Variants in PTCHD4 observed in about 807,000 individuals in gnomAD.
PTCHD4 encodes the protein patched domain containing 4.
Under a neutral mutation model 58.1 loss-of-function variants are expected in PTCHD4, and 33 were observed. That is an observed-to-expected ratio of 0.57 (90% confidence interval 0.43 to 0.76). The LOEUF is 0.76. Among genes scored for constraint, PTCHD4 ranks in the 30% least tolerant of loss-of-function variants. The pLI is 0.00. For missense variants in PTCHD4, 1,058 were observed against 1,027.1 expected, an observed-to-expected ratio of 1.03 and a Z score of -0.41; for synonymous variants, 478 against 409.6, an observed-to-expected ratio of 1.17 and a Z score of -2.02.
intron 4 of PTCHD4, among the ~76,000 whole-genome samples, chr6:47,909,552 G>A (rs996847020): frequency 6.6e-6 from 1 of 152,018 alleles, no homozygotes; most frequent in Admixed American, 6.6e-5. Flanking sequence ...GGCTCAAGCG[G>A]TCCTTCTATC....
At chr6:48,108,212 C>T (rs1208405482) in intron 1 of PTCHD4, among the ~76,000 whole-genome samples, 2 of 152,112 alleles carry the variant, frequency 1.3e-5, no homozygotes, top group Non-Finnish European at 2.9e-5. Context: ...AAATGTCCAA[C>T]AATGATGGAC....
chr6:47,954,218 G>A (rs1365517794), intron 4 of PTCHD4, among the ~76,000 whole-genome samples: 5 of 152,076 alleles, frequency 3.3e-5, no homozygotes, highest in African/African-American at 7.2e-5. Context: ...TCAGCTGGGC[G>A]TGGTAGCACA....
intron 4 of PTCHD4, among the ~76,000 whole-genome samples, chr6:47,917,022 A>G (rs1003538087): frequency 6.6e-6 from 1 of 152,146 alleles, no homozygotes; most frequent in African/African-American, 2.4e-5. Context: ...AACTACAATT[A>G]TAATATAAAG....
chr6:47,950,706 G>C (rs565248818), intron 4 of PTCHD4, among the ~76,000 whole-genome samples: 12 of 152,280 alleles, frequency 7.9e-5, no homozygotes, highest in Non-Finnish European at 1.0e-4. Context: ...GTAGGTTACA[G>C]AGCTGTAAAT....
At position 47,871,239 on chromosome 6, in the gene PTCHD4, G is replaced by A. The variant is rs1315277973; in HGVS notation, c.*7064C>T. Among the ~76,000 whole-genome samples the A allele has an allele frequency of 1.3e-5, 2 of 151,554 alleles. No individual in the cohort carries two copies. The highest frequency in any genetic ancestry group is 4.8e-5 in the African/African-American group (2 of 41,340). On this transcript the variant is annotated 3_prime_UTR_variant, in exon 5 of 5. Transcript: ENST00000339488. ...CTTGTGTTTTAAAAACCCCGATTTA[G>A]CAGAAAATAATAGCAATGCCTTCCA...
intron 3 of PTCHD4, among the ~76,000 whole-genome samples, chr6:48,062,974 C>T (rs1764681941): frequency 6.6e-6 from 1 of 152,112 alleles, no homozygotes; most frequent in South Asian, 2.1e-4. Context: ...ACAATTGATC[C>T]TTAAAGAACT....
At chr6:48,108,253 A>G (rs1360309025) in intron 1 of PTCHD4, among the ~76,000 whole-genome samples, 1 of 152,202 alleles carries the variant, frequency 6.6e-6, no homozygotes, top group Non-Finnish European at 1.5e-5. Context: ...CATATACACC[A>G]TGGAATACTA....
chr6:48,037,582 T>G (rs1457105957), intron 3 of PTCHD4, among the ~76,000 whole-genome samples: 2 of 152,144 alleles, frequency 1.3e-5, no homozygotes, highest in African/African-American at 2.4e-5. Flanking sequence ...ACTGTGAACT[T>G]CAGAAAGGAA....
chr6:47,909,260 C>A (rs962806920), intron 4 of PTCHD4, among the ~76,000 whole-genome samples: 4 of 152,064 alleles, frequency 2.6e-5, no homozygotes, highest in African/African-American at 9.7e-5. Flanking sequence ...CAAAGTCATG[C>A]CAGTTCTCCA....
At position 47,878,606 on chromosome 6, in the gene PTCHD4, T is replaced by C; in HGVS notation, c.2229A>G (p.Gln743=). The change falls in exon 5 of 5, where the codon CAA becomes CAG. Residue 743 remains glutamine (Q), a synonymous_variant. Transcript: ENST00000339488. ...FVLATEHTRT[Q]CIKSSLQDHG... is the part of the protein sequence containing the mutation. The stretch of plus-strand genomic sequence containing the variant: ...GGTCTTGCAAGGAGCTTTTTATACA[T>C]TGTGTTCGGGTGTGCTCAGTTGCTA... The C allele has an allele frequency of 1.2e-6, 2 of 1,613,598 alleles. No individual in the cohort carries two copies. Among genetic ancestry groups the C allele is most frequent in the Non-Finnish European group, 1.7e-6 (2 of 1,179,744 alleles).
Position 47,939,324 on chromosome 6 carries a change from G to A in PTCHD4, c.899-59388C>T, listed in dbSNP as rs552416780. Among the ~76,000 whole-genome samples the A allele has an allele frequency of 1.3e-4, 19 of 151,390 alleles. No individual in the cohort carries two copies. In the South Asian group the frequency reaches 3.5e-3, roughly 28 times the overall value. On this transcript the variant is annotated intron_variant, in intron 4 of 4. Transcript: ENST00000339488. ...TGGAGAGGGGCCTGAGGATTACGTGGTATTGATGTCTCTGGTTGGAGACTA... is the reference window on the plus strand; with the variant it reads ...TGGAGAGGGGCCTGAGGATTACGTGATATTGATGTCTCTGGTTGGAGACTA...
At chr6:47,945,451 A>ACT (rs1766378532) in intron 4 of PTCHD4, among the ~76,000 whole-genome samples, 1 of 151,866 alleles carries the variant, frequency 6.6e-6, no homozygotes, top group African/African-American at 2.4e-5. Flanking sequence ...CCAGAGGTAA[A>ACT]CTCTCTCTTA....
At position 48,068,198 on chromosome 6, in the gene PTCHD4, G is replaced by GA; in HGVS notation, c.417+31dup. 3 of 1,517,638 alleles carry GA rather than the reference G, an allele frequency of 2.0e-6. No homozygotes were observed. Among genetic ancestry groups the GA allele is most frequent in the Non-Finnish European group, 1.8e-6 (2 of 1,131,780 alleles). The allele number at this position is 1,517,638 out of a possible 1,614,324, so 94.0% of individuals were successfully genotyped here. A position where few individuals can be genotyped will look rare whatever the true frequency, so the allele number is the denominator to read the frequency against. ...CTGATTTCTCAACACACACAGATGG[G>GA]AAAAAGTATAATTATAGCCCTTGTG... On this transcript the variant is annotated intron_variant, in intron 3 of 4. Coordinates refer to ENST00000339488, the MANE Select transcript of PTCHD4 (RefSeq NM_001384253.1). This position sits in a 1 kb window ranked among gnomAD's most constrained non-coding sequence, Gnocchi z 4.2.
rs1763857273 is a variant in PTCHD4, at chr6:47,876,701, C to T, written c.*1602G>A. Among the ~76,000 whole-genome samples the T allele has an allele frequency of 6.6e-6, 1 of 152,016 alleles. No homozygotes were observed. The highest frequency in any genetic ancestry group is 1.5e-5 in the Non-Finnish European group (1 of 67,960). ...ACTAGCAGATTTTATAATCATCGGA[C>T]ATTTATTCTGTCCTACCTGGAAATA... On this transcript the variant is annotated 3_prime_UTR_variant, in exon 5 of 5. Coordinates refer to ENST00000339488, the MANE Select transcript of PTCHD4 (RefSeq NM_001384253.1).
chr6:47,902,808 A>C (rs1179182356), intron 4 of PTCHD4, among the ~76,000 whole-genome samples: 2 of 152,190 alleles, frequency 1.3e-5, no homozygotes, highest in Non-Finnish European at 2.9e-5. Context: ...TGAATATTAA[A>C]AATTTTGATG....
chr6:47,915,253 G>T (rs983352584), intron 4 of PTCHD4, among the ~76,000 whole-genome samples: 5 of 101,430 alleles, frequency 4.9e-5, no homozygotes, highest in Non-Finnish European at 1.2e-4. Flanking sequence ...ATTTATTTAA[G>T]AAAATGACAT....
chr6:48,084,196 T>A (rs1765218963), intron 1 of PTCHD4, among the ~76,000 whole-genome samples: 1 of 152,216 alleles, frequency 6.6e-6, no homozygotes, highest in Non-Finnish European at 1.5e-5. Flanking sequence ...CTGTTAGCAA[T>A]CTACAAAGCA....
At chr6:47,945,964 T>C (rs1357657387) in intron 4 of PTCHD4, among the ~76,000 whole-genome samples, 1 of 151,902 alleles carries the variant, frequency 6.6e-6, no homozygotes, top group Non-Finnish European at 1.5e-5. Flanking sequence ...AAAAATTTAA[T>C]TATAAATTTT....
At position 47,987,405 on chromosome 6, in the gene PTCHD4, A is replaced by AT. The variant is rs556943901; in HGVS notation, c.898+21228dup. On this transcript the variant is annotated intron_variant, in intron 4 of 4. Coordinates refer to ENST00000339488, the MANE Select transcript of PTCHD4 (RefSeq NM_001384253.1). Reference sequence around the variant, plus strand: ...ACAAGTACCCTAAACTTAAAGTATAATAAAAAAAAAGATTAAAAAAAAAAA... The same window carrying AT: ...ACAAGTACCCTAAACTTAAAGTATAATTAAAAAAAAAGATTAAAAAAAAAAA... Among the ~76,000 whole-genome samples the AT allele has an allele frequency of 4.8e-3, 725 of 151,294 alleles. 3 individuals carry two copies. The highest frequency in any genetic ancestry group is 0.016 in the African/African-American group (657 of 40,830).
Sources: gnomAD v4.1 joint callset for allele counts (sites outside exome capture counted in the v4.1 genomes callset) on GRCh38, gnomAD v4.1.1 for gene constraint, Gnocchi (gnomAD v3.1) non-coding constraint, MANE v1.5 for transcripts, NCBI Gene and HGNC (gene_info 2026-07-23, HGNC 2026-07-21) for gene names.